The following MND1 variants were observed in gnomAD, a reference collection of about 807,000 sequenced individuals.
The protein encoded by MND1 is meiotic nuclear divisions 1.
MND1 carries 28 observed loss-of-function variants against 35.1 expected under a neutral mutation model. The ratio of observed to expected loss-of-function variants is 0.80; its 90% CI spans 0.59 to 1.09. MND1 has a LOEUF of 1.09. MND1 is among the 50% of genes least tolerant of loss of function. MND1 has a pLI of 0.00. For missense variants in MND1, 213 were observed against 239.6 expected, an observed-to-expected ratio of 0.89 and a Z score of 0.73; for synonymous variants, 69 against 70.5, an observed-to-expected ratio of 0.98 and a Z score of 0.11.
chr4:153,344,785 T>C, intron 1 of MND1, 45 bp downstream of exon 1: 1 of 1,592,766 alleles, frequency 6.3e-7, no homozygotes, highest in Non-Finnish European at 8.5e-7. Context: ...CTCCCTAGTG[T>C]GTGGGCTTCG....
intron 6 of MND1, among the ~76,000 whole-genome samples, chr4:153,406,725 T>G (rs1356070151): frequency 3.9e-5 from 6 of 152,046 alleles, no homozygotes; most frequent in Non-Finnish European, 8.8e-5. Flanking sequence ...CATGAAAAGA[T>G]GCACAAAATC....
chr4:153,346,831 T>C (rs528096803), intron 1 of MND1, among the ~76,000 whole-genome samples: 17 of 152,194 alleles, frequency 1.1e-4, no homozygotes, highest in Non-Finnish European at 2.2e-4. Context: ...AATATCAAAA[T>C]GTTAGGAGTC....
chr4:153,393,393 CAG>C (rs1729102114), intron 4 of MND1, among the ~76,000 whole-genome samples: 1 of 111,070 alleles, frequency 9.0e-6, no homozygotes, highest in Non-Finnish European at 1.8e-5. Context: ...TTTTTTGAAA[CAG>C]GGTCTCACTC....
At chr4:153,355,537 A>G in intron 2 of MND1, 117 bp from the exon 3 acceptor site, 1 of 651,432 alleles carries the variant, frequency 1.5e-6, no homozygotes, top group Non-Finnish European at 2.7e-6. Flanking sequence ...AATATCACAC[A>G]TACCCTGTAA....
intron 4 of MND1, 84 bp downstream of exon 4, chr4:153,358,706 T>C: frequency 7.5e-7 from 1 of 1,332,834 alleles, no homozygotes; most frequent in Non-Finnish European, 1.0e-6. Context: ...TAGCAGTTTC[T>C]TTTGAATTTT....
Position 153,353,553 on chromosome 4 carries a change from G to A in MND1, c.70-2101G>A, listed in dbSNP as rs968690645. On this transcript the variant is annotated intron_variant, in intron 2 of 7. Transcript: ENST00000240488. ...CACGCCTTTTTCAGGCATATGTTTTGCGATTATTTTAATCTAGTTGGTATT... is the reference window on the plus strand; with the variant it reads ...CACGCCTTTTTCAGGCATATGTTTTACGATTATTTTAATCTAGTTGGTATT... Among the ~76,000 whole-genome samples, 7 of 150,322 alleles carry A rather than the reference G, an allele frequency of 4.7e-5. No individual in the cohort carries two copies. In the East Asian group the frequency reaches 5.9e-4, roughly 13 times the overall value.
chr4:153,408,412 T>C (rs1251065644), intron 6 of MND1, among the ~76,000 whole-genome samples: 1 of 152,226 alleles, frequency 6.6e-6, no homozygotes, highest in Non-Finnish European at 1.5e-5. Context: ...CATTGTTACA[T>C]GCTGTGCAGA....
At chr4:153,359,025 T>C (rs1773414703) in intron 4 of MND1, among the ~76,000 whole-genome samples, 1 of 152,182 alleles carries the variant, frequency 6.6e-6, no homozygotes, top group Non-Finnish European at 1.5e-5. Context: ...TTTGTCACAA[T>C]TGAGTCAATA....
At chr4:153,353,894 A>G (rs1169343544) in intron 2 of MND1, among the ~76,000 whole-genome samples, 3 of 151,968 alleles carry the variant, frequency 2.0e-5, no homozygotes, top group African/African-American at 7.3e-5. Context: ...TAATTTTTGT[A>G]TTTTTAGTAG....
At chr4:153,353,733 G>C (rs923380327) in intron 2 of MND1, among the ~76,000 whole-genome samples, 3 of 151,180 alleles carry the variant, frequency 2.0e-5, no homozygotes, top group Admixed American at 6.6e-5. Flanking sequence ...AGGTTTTTTT[G>C]TTCTTATTGT....
chr4:153,372,876 T>C (rs1216546777), intron 4 of MND1, among the ~76,000 whole-genome samples: 1 of 152,238 alleles, frequency 6.6e-6, no homozygotes, highest in Non-Finnish European at 1.5e-5. Context: ...TTAAGCTCTT[T>C]TATTGAATGC....
chr4:153,364,468 A>G lies in MND1; in HGVS notation c.276+5846A>G, dbSNP rs371107802. ...AGAGTTTGAGGTTGCAGTGAGCTGT[A>G]TTCGTGCCACTGCACTGCAGGTTAG... is the stretch of plus-strand genomic sequence containing the variant. On this transcript the variant is annotated intron_variant, in intron 4 of 7. Coordinates refer to ENST00000240488, the MANE Select transcript of MND1 (RefSeq NM_032117.4). Among the ~76,000 whole-genome samples, 507 of 151,816 alleles carry G rather than the reference A, an allele frequency of 3.3e-3. 8 individuals are homozygous for G. The highest frequency in any genetic ancestry group is 0.012 in the African/African-American group (492 of 41,340).
At chr4:153,348,375 G>T (rs1773125379) in intron 1 of MND1, among the ~76,000 whole-genome samples, 1 of 152,098 alleles carries the variant, frequency 6.6e-6, no homozygotes, top group Non-Finnish European at 1.5e-5. Context: ...TCCAGCAGGC[G>T]GGTAGATGCA....
intron 4 of MND1, among the ~76,000 whole-genome samples, chr4:153,362,277 C>T (rs1451466290): frequency 6.6e-6 from 1 of 152,136 alleles, no homozygotes; most frequent in African/African-American, 2.4e-5. Context: ...ATTGTAATCC[C>T]CAGTGTTGGA....
intron 4 of MND1, among the ~76,000 whole-genome samples, chr4:153,368,029 C>T (rs767968107): frequency 5.3e-5 from 8 of 152,122 alleles, no homozygotes; most frequent in African/African-American, 7.2e-5. Flanking sequence ...TTCTCTTAAA[C>T]GTGATGCTGT....
At chr4:153,354,736 C>G (rs978469601) in intron 2 of MND1, among the ~76,000 whole-genome samples, 2 of 152,164 alleles carry the variant, frequency 1.3e-5, no homozygotes, top group Non-Finnish European at 2.9e-5. Flanking sequence ...CAGTCTCCAG[C>G]TCTTGAGCTC....
At chr4:153,345,069 G>T (rs945160619) in intron 1 of MND1, among the ~76,000 whole-genome samples, 2 of 152,214 alleles carry the variant, frequency 1.3e-5, no homozygotes, top group African/African-American at 4.8e-5. Flanking sequence ...AACGTGACCC[G>T]AGAACTTCAC....
At chr4:153,376,039 A>T (rs778279660) in intron 4 of MND1, among the ~76,000 whole-genome samples, 55 of 152,242 alleles carry the variant, frequency 3.6e-4, no homozygotes, top group Admixed American at 7.2e-4. Flanking sequence ...ATATATGTAA[A>T]TTTTTTTAGT....
intron 1 of MND1, among the ~76,000 whole-genome samples, chr4:153,345,001 G>A (rs1296837772): frequency 6.6e-6 from 1 of 152,150 alleles, no homozygotes; most frequent in Non-Finnish European, 1.5e-5. Flanking sequence ...GCTGCACCCC[G>A]CGTCTGTCCC....
Sources: allele counts gnomAD v4.1 joint callset (sites outside exome capture counted in the v4.1 genomes callset), GRCh38; gene constraint gnomAD v4.1.1; transcripts MANE v1.5; gene names NCBI Gene and HGNC (gene_info 2026-07-23, HGNC 2026-07-21).